DIP2C: variants seen among roughly 807,000 people sequenced by gnomAD.
The protein encoded by DIP2C is DIP2 acetate--CoA ligase C (putative).
Under a neutral mutation model 192.4 loss-of-function variants are expected in DIP2C, and 33 were observed. The ratio of observed to expected loss-of-function variants is 0.17; its 90% CI spans 0.13 to 0.23. The LOEUF (loss-of-function observed/expected upper bound fraction) is 0.23, where lower values mean the gene tolerates loss of function less well. Ranked by LOEUF, DIP2C falls within the 10% of genes least tolerant of loss-of-function variation. DIP2C has a pLI of 1.00. For synonymous variants in DIP2C, 979 were observed against 864.1 expected, an observed-to-expected ratio of 1.13 and a Z score of -2.33; for missense variants, 1,537 against 2,110.1, an observed-to-expected ratio of 0.73 and a Z score of 5.32.
chr10:592,444 G>T (rs1326765169), intron 1 of DIP2C, among the ~76,000 whole-genome samples: 1 of 152,194 alleles, frequency 6.6e-6, no homozygotes, highest in Non-Finnish European at 1.5e-5. Flanking sequence ...ACAGATGAAT[G>T]ACGGTTTGTT....
intron 1 of DIP2C, among the ~76,000 whole-genome samples, chr10:553,957 A>T (rs1564843395): frequency 6.6e-6 from 1 of 151,560 alleles, no homozygotes; most frequent in Non-Finnish European, 1.5e-5. Flanking sequence ...TACCTCATAG[A>T]AAAAACGTAT....
intron 3 of DIP2C, among the ~76,000 whole-genome samples, chr10:463,653 T>C (rs1346232575): frequency 6.6e-6 from 1 of 152,166 alleles, no homozygotes; most frequent in Non-Finnish European, 1.5e-5. Context: ...TTAAATTTCA[T>C]ATGGAACCAA....
At chr10:390,572 T>A (rs1457724228) in intron 11 of DIP2C, among the ~76,000 whole-genome samples, 168 bp downstream of exon 11, 1 of 151,704 alleles carries the variant, frequency 6.6e-6, no homozygotes, top group Non-Finnish European at 1.5e-5. Flanking sequence ...CCCCACGGGC[T>A]GGCAACTCGG....
intron 32 of DIP2C, among the ~76,000 whole-genome samples, chr10:303,319 C>G (rs1412912640): frequency 6.6e-6 from 1 of 152,212 alleles, no homozygotes; most frequent in Non-Finnish European, 1.5e-5. Flanking sequence ...GCTGTAGATT[C>G]ATAAACACTG....
At chr10:342,357 C>T (rs1958193757) in intron 28 of DIP2C, among the ~76,000 whole-genome samples, 1 of 152,030 alleles carries the variant, frequency 6.6e-6, no homozygotes, top group Admixed American at 6.6e-5. Flanking sequence ...ACAGGGTTTC[C>T]CCATGTTAGG....
chr10:345,232 G>A, intron 26 of DIP2C, 122 bp from the exon 27 acceptor site: 3 of 988,296 alleles, frequency 3.0e-6, no homozygotes, highest in Non-Finnish European at 3.1e-6. Context: ...GGCAGATGAG[G>A]TTACCGAGCC....
At chr10:407,237 T>A (rs1964870990) in intron 9 of DIP2C, among the ~76,000 whole-genome samples, 1 of 152,196 alleles carries the variant, frequency 6.6e-6, no homozygotes, top group South Asian at 2.1e-4. Flanking sequence ...CAATACCTGT[T>A]TTGTGTCTGG....
chr10:685,066 G>A (rs923857400), intron 1 of DIP2C, among the ~76,000 whole-genome samples: 4 of 144,738 alleles, frequency 2.8e-5, no homozygotes, highest in African/African-American at 5.2e-5. Context: ...CCCAGGAGGC[G>A]AAGGTTGCAA....
chr10:499,518 T>TGAGAGGGAGGTGTGC (rs1845081682), intron 1 of DIP2C, among the ~76,000 whole-genome samples: 1 of 151,992 alleles, frequency 6.6e-6, no homozygotes, highest in African/African-American at 2.4e-5. Flanking sequence ...TGGCGGCAGG[T>TGAGAGGGAGGTGTGC]GAGAGGGAGG....
At chr10:630,021 T>C (rs1346289078) in intron 1 of DIP2C, 1 of 152,240 alleles carries the variant, frequency 6.6e-6, no homozygotes, top group Non-Finnish European at 1.5e-5. Flanking sequence ...GCACCCACCT[T>C]GCTGAAGATA....
intron 29 of DIP2C, chr10:340,639 G>A (rs1473333970): frequency 5.0e-6 from 2 of 403,904 alleles, no homozygotes; most frequent in East Asian, 7.3e-5. Context: ...AGACAAAAAA[G>A]CCAAGAAACA....
intron 29 of DIP2C, among the ~76,000 whole-genome samples, chr10:336,862 G>GA (rs1957794603): frequency 6.8e-6 from 1 of 147,614 alleles, no homozygotes; most frequent in African/African-American, 2.5e-5. Context: ...GGCCTAGACT[G>GA]GTGTGTGTGC....
intron 1 of DIP2C, among the ~76,000 whole-genome samples, chr10:644,026 A>G (rs146434320): frequency 6.6e-6 from 1 of 152,378 alleles, no homozygotes; most frequent in East Asian, 1.9e-4. Context: ...AGTGATTCAC[A>G]CTCAGACACA....
intron 1 of DIP2C, chr10:650,420 G>A (rs746818116): frequency 1.3e-5 from 9 of 713,578 alleles, no homozygotes; most frequent in Middle Eastern, 2.3e-4. Flanking sequence ...GAAGAACGCA[G>A]GCCGACAACA....
chr10:378,657 A>G (rs1961955234), intron 17 of DIP2C, among the ~76,000 whole-genome samples: 1 of 151,992 alleles, frequency 6.6e-6, no homozygotes, highest in Non-Finnish European at 1.5e-5. Flanking sequence ...ACACACATGA[A>G]CAGATATGCC....
intron 1 of DIP2C, among the ~76,000 whole-genome samples, chr10:519,195 A>C (rs746679287): frequency 6.6e-6 from 1 of 152,236 alleles, no homozygotes; most frequent in South Asian, 2.1e-4. Context: ...TCCTGGCTGC[A>C]GGGTCTGCAC....
At chr10:401,771 C>T (rs1321115527) in intron 9 of DIP2C, among the ~76,000 whole-genome samples, 4 of 150,708 alleles carry the variant, frequency 2.7e-5, no homozygotes, top group African/African-American at 9.8e-5. Flanking sequence ...ATTAGCATTA[C>T]TCTTCCTTAT....
intron 31 of DIP2C, among the ~76,000 whole-genome samples, chr10:312,246 G>A (rs1285077862): frequency 1.3e-5 from 2 of 152,182 alleles, no homozygotes; most frequent in African/African-American, 4.8e-5. Context: ...TGTGGTCCCT[G>A]CCTGCTACCC....
At chr10:384,740 A>G (rs1256797528) in intron 14 of DIP2C, 101 bp from the exon 15 acceptor site, 2 of 1,206,132 alleles carry the variant, frequency 1.7e-6, no homozygotes, top group African/African-American at 1.5e-5. Context: ...GGCAGGGGGG[A>G]GCTCTCAGGG....
Sources: allele counts gnomAD v4.1 joint callset (sites outside exome capture counted in the v4.1 genomes callset), GRCh38; gene constraint gnomAD v4.1.1; transcripts MANE v1.5; gene names NCBI Gene and HGNC (gene_info 2026-07-23, HGNC 2026-07-21).